Variants in PPP3CA observed in about 807,000 individuals in gnomAD.
PPP3CA encodes the protein CAM-PRP catalytic subunit.
PPP3CA carries 14 observed loss-of-function variants against 66.5 expected under a neutral mutation model. That is an observed-to-expected ratio of 0.21 (90% confidence interval 0.14 to 0.33). The LOEUF (loss-of-function observed/expected upper bound fraction) is 0.33. Among genes scored for constraint, PPP3CA ranks in the 10% least tolerant of loss-of-function variants. PPP3CA has a pLI of 1.00. For synonymous variants in PPP3CA, 232 were observed against 226.2 expected, an observed-to-expected ratio of 1.03 and a Z score of -0.23; for missense variants, 317 against 639.5, an observed-to-expected ratio of 0.50 and a Z score of 5.44.
chr4:101,334,944 G>T (rs1729577350), intron 1 of PPP3CA, among the ~76,000 whole-genome samples: 1 of 152,108 alleles, frequency 6.6e-6, no homozygotes, highest in South Asian at 2.1e-4. Flanking sequence ...TGTGATTAAA[G>T]ACTTATCAGT....
chr4:101,127,217 T>C (rs1722272161), intron 2 of PPP3CA, among the ~76,000 whole-genome samples: 1 of 151,948 alleles, frequency 6.6e-6, no homozygotes, highest in Non-Finnish European at 1.5e-5. Context: ...TGCTTGCTTC[T>C]GGTACATCCA....
intron 3 of PPP3CA, among the ~76,000 whole-genome samples, chr4:101,107,070 C>T (rs1730786778): frequency 6.6e-6 from 1 of 152,186 alleles, no homozygotes; most frequent in Admixed American, 6.5e-5. Context: ...GCTGGTCAGG[C>T]TGGCCCCAAG....
intron 2 of PPP3CA, among the ~76,000 whole-genome samples, chr4:101,157,888 A>AAAAAAC (rs1208982939): frequency 6.6e-6 from 1 of 151,164 alleles, no homozygotes; most frequent in African/African-American, 2.4e-5. Context: ...AAAAAAAAAA[A>AAAAAAC]ACCTCTCAGT....
At chr4:101,048,509 CAAAAAAAAAAAAA>C (rs59988569) in intron 10 of PPP3CA, among the ~76,000 whole-genome samples, 10 of 66,330 alleles carry the variant, frequency 1.5e-4, no homozygotes, top group South Asian at 4.7e-4. Flanking sequence ...TTTCTCTCAC[CAAAAAAAAAAAAA>C]AAAAAAAAAA....
intron 1 of PPP3CA, among the ~76,000 whole-genome samples, chr4:101,259,509 T>A (rs1476872372): frequency 6.6e-6 from 1 of 152,150 alleles, no homozygotes; most frequent in Non-Finnish European, 1.5e-5. Context: ...TTGTTCTTTT[T>A]TGTACCAGAT....
At position 101,216,539 on chromosome 4, in the gene PPP3CA, A is replaced by AT. The variant is rs1020135178; in HGVS notation, c.59-20424dup. Among the ~76,000 whole-genome samples, 6 of 151,072 alleles carry AT rather than the reference A, an allele frequency of 4.0e-5. No homozygotes were observed. The South Asian group carries it at 6.3e-4, about 16-fold the overall frequency. Reference sequence around the variant, plus strand: ...CCTGTAGATTATAAAACTTTCCTTTATTTTTTTTTCTTTTCTTAAGACAGG... The same window carrying AT: ...CCTGTAGATTATAAAACTTTCCTTTATTTTTTTTTTCTTTTCTTAAGACAGG... On this transcript the variant is annotated intron_variant, in intron 1 of 13. Coordinates refer to ENST00000394854, the MANE Select transcript of PPP3CA (RefSeq NM_000944.5).
chr4:101,116,321 C>A (rs913887928), intron 2 of PPP3CA, among the ~76,000 whole-genome samples: 2 of 151,878 alleles, frequency 1.3e-5, no homozygotes, highest in African/African-American at 4.8e-5. Context: ...TTCCCCAAGA[C>A]AATAAAATCC....
At chr4:101,066,796 A>T (rs1345769473) in intron 8 of PPP3CA, among the ~76,000 whole-genome samples, 1 of 152,116 alleles carries the variant, frequency 6.6e-6, no homozygotes, top group African/African-American at 2.4e-5. Flanking sequence ...TCCGACTGTC[A>T]TTGGGATTAC....
At chr4:101,148,598 C>T (rs1313747061) in intron 2 of PPP3CA, among the ~76,000 whole-genome samples, 6 of 152,172 alleles carry the variant, frequency 3.9e-5, no homozygotes, top group East Asian at 3.9e-4. Flanking sequence ...GCTGAATTCC[C>T]GATCGAATTA....
chr4:101,227,996 T>C (rs557935421), intron 1 of PPP3CA, among the ~76,000 whole-genome samples: 37 of 151,706 alleles, frequency 2.4e-4, no homozygotes, highest in Non-Finnish European at 4.4e-4. Context: ...GTTGACTTCA[T>C]GTCTTTGCTA....
At chr4:101,102,629 C>T (rs1232868432) in intron 3 of PPP3CA, among the ~76,000 whole-genome samples, 1 of 152,042 alleles carries the variant, frequency 6.6e-6, no homozygotes, top group East Asian at 1.9e-4. Context: ...AACTATTTTA[C>T]CATCTAAAGC....
At chr4:101,208,332 T>G (rs1725198294) in intron 1 of PPP3CA, among the ~76,000 whole-genome samples, 1 of 152,194 alleles carries the variant, frequency 6.6e-6, no homozygotes, top group Non-Finnish European at 1.5e-5. Context: ...AATACTCCAT[T>G]TATTCAGAGC....
rs556039093 is a variant in PPP3CA at position 101,025,260 on chromosome 4, T to C, written c.*605A>G. 2 of 152,332 alleles carry C rather than the reference T, an allele frequency of 1.3e-5. No individual in the cohort carries two copies. Among genetic ancestry groups the C allele is most frequent in the South Asian group, 4.1e-4 (2 of 4,824 alleles). 9.4% of individuals were successfully genotyped at this position (152,332 alleles called of 1,614,324 possible). On this transcript the variant is annotated 3_prime_UTR_variant, in exon 14 of 14. Coordinates refer to ENST00000394854, the MANE Select transcript of PPP3CA (RefSeq NM_000944.5). The stretch of plus-strand genomic sequence containing the variant: ...TCTGTACAAAATTAAACTGTCCTTT[T>C]TGGCATTTTAACAAATTTGCAACGT...
chr4:101,236,340 G>A (rs1726130929), intron 1 of PPP3CA, among the ~76,000 whole-genome samples: 1 of 151,908 alleles, frequency 6.6e-6, no homozygotes, highest in African/African-American at 2.4e-5. Flanking sequence ...AACAGCAAAT[G>A]CAAAGGCCTG....
chr4:101,312,633 T>G (rs1374898125), intron 1 of PPP3CA, among the ~76,000 whole-genome samples: 4 of 152,116 alleles, frequency 2.6e-5, no homozygotes, highest in Non-Finnish European at 5.9e-5. Context: ...TAAAAAAAAG[T>G]TCCTCCTTTA....
At chr4:101,223,889 T>C (rs976108802) in intron 1 of PPP3CA, among the ~76,000 whole-genome samples, 1 of 151,742 alleles carries the variant, frequency 6.6e-6, no homozygotes, top group African/African-American at 2.4e-5. Context: ...ATAAGAAATG[T>C]ATATTCTTCT....
intron 12 of PPP3CA, 81 bp downstream of exon 12, chr4:101,032,184 TAA>T (rs1726997469): frequency 9.2e-7 from 1 of 1,088,196 alleles, no homozygotes; most frequent in Non-Finnish European, 1.3e-6. Context: ...AGACAGAGCT[TAA>T]ATGAATGAAT....
chr4:101,050,306 C>A (rs1727953213), intron 10 of PPP3CA, among the ~76,000 whole-genome samples: 1 of 152,184 alleles, frequency 6.6e-6, no homozygotes, highest in South Asian at 2.1e-4. Context: ...GGTCCTACTG[C>A]AAAGCTTCAG....
chr4:101,125,137 T>G lies in PPP3CA; in HGVS notation c.260-16059A>C, dbSNP rs570341574. 2.6e-5 allele frequency among the ~76,000 whole-genome samples: 4 copies of G among 152,340 alleles called. No homozygotes were observed. In the East Asian group the frequency reaches 5.8e-4, roughly 22 times the overall value. On this transcript the variant is annotated intron_variant, in intron 2 of 13. Coordinates refer to ENST00000394854, the MANE Select transcript of PPP3CA (RefSeq NM_000944.5). Reference sequence around the variant, plus strand: ...GGGGGTATAAGATACTATAGAAACTTAAGCCACTTGCAGGATCTTCTCTTA... The same window carrying G: ...GGGGGTATAAGATACTATAGAAACTGAAGCCACTTGCAGGATCTTCTCTTA...
Sources: gnomAD v4.1 joint callset for allele counts (sites outside exome capture counted in the v4.1 genomes callset) on GRCh38, gnomAD v4.1.1 for gene constraint, MANE v1.5 for transcripts, NCBI Gene and HGNC (gene_info 2026-07-23, HGNC 2026-07-21) for gene names.